TRIM9: variants seen among roughly 807,000 people sequenced by gnomAD.
TRIM9 encodes tripartite motif containing 9.
Under a neutral mutation model 78.3 loss-of-function variants are expected in TRIM9, and 26 were observed. The observed-to-expected ratio is 0.33, with a 90% CI of 0.24 to 0.46. The LOEUF is 0.46. Ranked by LOEUF, TRIM9 falls within the 20% of genes least tolerant of loss-of-function variation. TRIM9 has a pLI of 1.00. For synonymous variants in TRIM9, 398 were observed against 416.5 expected (o/e 0.96, Z 0.54); for missense variants, 787 against 1,036.4 (o/e 0.76, Z 3.30).
At chr14:51,092,505 T>C (rs1406284904) in intron 1 of TRIM9, among the ~76,000 whole-genome samples, 1 of 152,166 alleles carries the variant, frequency 6.6e-6, no homozygotes, top group Non-Finnish European at 1.5e-5. Context: ...TCTGGGAGAC[T>C]CTGAGCAAGG....
At chr14:50,988,976 T>G (rs1219857883) in intron 7 of TRIM9, among the ~76,000 whole-genome samples, 2 of 152,220 alleles carry the variant, frequency 1.3e-5, no homozygotes, top group Admixed American at 6.5e-5. Context: ...TAGTTGGCAG[T>G]TATTGCTTAT....
At chr14:51,014,978 C>A (rs142288765) in intron 3 of TRIM9, among the ~76,000 whole-genome samples, 82 of 152,278 alleles carry the variant, frequency 5.4e-4, no homozygotes, top group African/African-American at 1.8e-3. Context: ...TAAACCAGCT[C>A]CCACAGGACA....
chr14:51,053,593 T>TAATTTTTTTTTTTTTTTTTTTA (rs2060631122), intron 1 of TRIM9, among the ~76,000 whole-genome samples: 1 of 114,996 alleles, frequency 8.7e-6, no homozygotes, highest in Non-Finnish European at 1.7e-5. Flanking sequence ...TTTTTTTTTT[T>TAATTTTTTTTTTTTTTTTTTTA]AATTTTTTTT....
At chr14:51,085,864 ACTGT>A (rs938514036) in intron 1 of TRIM9, among the ~76,000 whole-genome samples, 10 of 152,164 alleles carry the variant, frequency 6.6e-5, no homozygotes, top group African/African-American at 9.7e-5. Flanking sequence ...GTAAAATCTT[ACTGT>A]CTATTTGTTA....
chr14:51,073,906 A>C (rs1288129314), intron 1 of TRIM9, among the ~76,000 whole-genome samples: 2 of 152,224 alleles, frequency 1.3e-5, no homozygotes, highest in African/African-American at 4.8e-5. Flanking sequence ...CAGCCAAAGA[A>C]CTGACAACAA....
rs1408545835 is a variant in TRIM9, at chr14:51,093,232, GA to G, written c.822+885del. Among the ~76,000 whole-genome samples, 3 of 152,200 alleles carry G rather than the reference GA, an allele frequency of 2.0e-5. No homozygotes were observed. In the East Asian group the frequency reaches 5.8e-4, roughly 29 times the overall value. ...AGCCTCTTCGTGTCTAGCCATGGTG[GA>G]AATATCATCAAAAGAGACTGGAAAG... is the stretch of plus-strand genomic sequence containing the variant. On this transcript the variant is annotated intron_variant, in intron 1 of 12. Transcript: ENST00000684578.
rs80091146 is a variant in TRIM9 at position 51,048,449 on chromosome 14, C to A, written c.823-23089G>T. 5.4e-3 allele frequency among the ~76,000 whole-genome samples: 816 copies of A among 152,292 alleles called. 7 individuals carry two copies. The highest frequency in any genetic ancestry group is 0.019 in the African/African-American group (780 of 41,554). On this transcript the variant is annotated intron_variant, in intron 1 of 12. Transcript: ENST00000684578. The stretch of plus-strand genomic sequence containing the variant: ...TTGATGGAGCACAGTTAAGAAAGTT[C>A]ATGTGTTTGTCTGCCTGTCCATCCA...
intron 11 of TRIM9, among the ~76,000 whole-genome samples, chr14:50,980,174 T>C (rs1223681901): frequency 6.6e-6 from 1 of 152,202 alleles, no homozygotes; most frequent in African/African-American, 2.4e-5. Flanking sequence ...ATTAAGAACT[T>C]GGAGGCTGTC....
chr14:51,057,571 A>C (rs1183469107), intron 1 of TRIM9, among the ~76,000 whole-genome samples: 1 of 152,240 alleles, frequency 6.6e-6, no homozygotes, highest in Admixed American at 6.5e-5. Context: ...AAAAATTTTT[A>C]ATCTTTAAAA....
chr14:51,070,239 GAGTTAT>G (rs1487312121), intron 1 of TRIM9, among the ~76,000 whole-genome samples: 1 of 152,214 alleles, frequency 6.6e-6, no homozygotes, highest in African/African-American at 2.4e-5. Context: ...GTTCAAGCAT[GAGTTAT>G]AGTGCGATGG....
chr14:51,002,018 C>T (rs536285474), intron 5 of TRIM9, among the ~76,000 whole-genome samples: 1 of 152,264 alleles, frequency 6.6e-6, no homozygotes, highest in South Asian at 2.1e-4. Flanking sequence ...ATTAGTTGAG[C>T]CTTCAGACAC....
intron 7 of TRIM9, chr14:50,995,999 G>A: frequency 1.4e-6 from 1 of 716,166 alleles, no homozygotes; most frequent in East Asian, 1.3e-4. Context: ...ATTTTTTCTT[G>A]CTTTCTAAAT....
Position 51,000,855 on chromosome 14 carries a change from G to A in TRIM9, c.1307-15C>T. The A allele has an allele frequency of 6.2e-7, 1 of 1,613,478 alleles. No homozygotes were observed. Among genetic ancestry groups the A allele is most frequent in the Non-Finnish European group, 8.5e-7 (1 of 1,179,466 alleles). On this transcript the variant is annotated splice_polypyrimidine_tract_variant and intron_variant, in intron 5 of 12. Coordinates refer to ENST00000684578, the MANE Select transcript of TRIM9 (RefSeq NM_001387360.1). The stretch of plus-strand genomic sequence containing the variant: ...TGGAGAGGAAGCTAAACAGAAATTA[G>A]TGTAACTCTGGCTTCTGTTAAGCTG...
At chr14:51,072,293 A>G (rs2140243289) in intron 1 of TRIM9, among the ~76,000 whole-genome samples, 1 of 152,292 alleles carries the variant, frequency 6.6e-6, no homozygotes, top group East Asian at 1.9e-4. Context: ...ACACTGAAGG[A>G]AAGGAAAGCA....
intron 1 of TRIM9, among the ~76,000 whole-genome samples, chr14:51,058,200 G>A (rs1044038614): frequency 7.2e-5 from 11 of 152,148 alleles, no homozygotes; most frequent in Admixed American, 7.2e-4. Context: ...GAGTGTCCCT[G>A]CATTACAGGA....
intron 1 of TRIM9, among the ~76,000 whole-genome samples, chr14:51,063,933 T>C (rs1204759311): frequency 6.6e-6 from 1 of 151,862 alleles, no homozygotes; most frequent in Non-Finnish European, 1.5e-5. Flanking sequence ...AATACATATA[T>C]GTGTGTGTGT....
intron 1 of TRIM9, among the ~76,000 whole-genome samples, chr14:51,031,009 A>G (rs1253548775): frequency 6.6e-6 from 1 of 151,958 alleles, no homozygotes; most frequent in African/African-American, 2.4e-5. Flanking sequence ...TTAGCCAGGC[A>G]TGGTGGCGGG....
chr14:51,003,833 C>T (rs1053203988), intron 5 of TRIM9, among the ~76,000 whole-genome samples: 12 of 152,092 alleles, frequency 7.9e-5, no homozygotes, highest in African/African-American at 2.9e-4. Context: ...TTCCGTTTTC[C>T]TTATTTACCC....
intron 3 of TRIM9, among the ~76,000 whole-genome samples, chr14:51,017,750 A>G (rs1278040151): frequency 2.0e-5 from 3 of 152,254 alleles, no homozygotes; most frequent in African/African-American, 4.8e-5. Context: ...GGGTTGAAGC[A>G]AAGAGTACTA....
Sources: allele counts gnomAD v4.1 joint callset (sites outside exome capture counted in the v4.1 genomes callset), GRCh38; gene constraint gnomAD v4.1.1; transcripts MANE v1.5; gene names NCBI Gene and HGNC (gene_info 2026-07-23, HGNC 2026-07-21).